Variants in GUCA2A observed in about 807,000 individuals in gnomAD.
GUCA2A encodes guanylin.
In GUCA2A, 17 loss-of-function variants were observed where a neutral mutation model predicts 11.2. That is an observed-to-expected ratio of 1.52 (90% CI 1.04 to 2.28). The LOEUF (loss-of-function observed/expected upper bound fraction) is 2.28. Among genes scored for constraint, GUCA2A ranks in the 30% most tolerant of loss-of-function variants. The pLI is 0.00. For missense variants in GUCA2A, 173 were observed against 139.3 expected (o/e 1.24, Z -1.22); for synonymous variants, 64 against 57.1 (o/e 1.12, Z -0.54).
intron 2 of GUCA2A, among the ~76,000 whole-genome samples, 162 bp downstream of exon 2, chr1:42,163,241 G>C (rs1026150611): frequency 6.6e-6 from 1 of 152,190 alleles, no homozygotes; most frequent in African/African-American, 2.4e-5. Context: ...TGGAATTGAA[G>C]TGGGCATGGA....
rs111699037 is a variant in GUCA2A, at chr1:42,163,505, C to T, written c.181G>A (p.Gly61Ser). 4.6e-4 allele frequency: 749 copies of T among 1,613,680 alleles called. 10 individuals are homozygous for T. In the African/African-American group the frequency reaches 8.7e-3, roughly 19 times the overall value. Reference protein sequence around the residue: ...GKLRNFAPIPGEPVVPILCSN... With the variant: ...GKLRNFAPIPSEPVVPILCSN... ...CAGAGGATGGGAACCACAGGTTCAC[C>T]AGGGATGGGTGCAAAGTTCCTGAGT... The change falls in exon 2 of 3, where the codon GGT becomes AGT. Residue 61 changes from glycine (G) to serine (S), a missense_variant. Coordinates refer to ENST00000357001, the MANE Select transcript of GUCA2A (RefSeq NM_033553.3).
rs951351791 is a variant in GUCA2A at position 42,163,032 on chromosome 1, T to G, written c.284-62A>C. The G allele has an allele frequency of 2.4e-5, 32 of 1,343,262 alleles. No individual in the cohort carries two copies. In the African/African-American group the frequency reaches 4.0e-4, roughly 17 times the overall value. The allele number at this position is 1,343,262 out of a possible 1,614,324, so 83.2% of individuals were successfully genotyped here. Reference sequence around the variant, plus strand: ...TTTCCTCGCGAGGCCCCTGCCGCCCTTGGCCCAGAGCTTGTACGTCACCAC... The same window carrying G: ...TTTCCTCGCGAGGCCCCTGCCGCCCGTGGCCCAGAGCTTGTACGTCACCAC... On this transcript the variant is annotated intron_variant, in intron 2 of 2. Transcript: ENST00000357001.
Position 42,162,909 on chromosome 1 carries a change from G to C in GUCA2A, c.345C>G (p.Cys115Trp). The change falls in exon 3 of 3, where the codon TGC becomes TGG. Residue 115 changes from cysteine to tryptophan, a missense_variant. By Grantham distance (215) the Cys-to-Trp change is radical. Coordinates refer to ENST00000357001, the MANE Select transcript of GUCA2A (RefSeq NM_033553.3). ...EICAYAACTG[C>W] Reference sequence around the variant, plus strand: ...GGCAGGCAGTGGGCAAGCCCCCCTAGCATCCGGTACAGGCAGCGTAGGCAC... The same window carrying C: ...GGCAGGCAGTGGGCAAGCCCCCCTACCATCCGGTACAGGCAGCGTAGGCAC... 6.2e-7 allele frequency: 1 copy of C among 1,612,600 alleles called. No individual in the cohort carries two copies. Among genetic ancestry groups the C allele is most frequent in the Non-Finnish European group, 8.5e-7 (1 of 1,178,726 alleles).
chr1:42,164,723 C>T lies in GUCA2A; in HGVS notation c.-11G>A, dbSNP rs200175352. On this transcript the variant is annotated 5_prime_UTR_variant, in exon 1 of 3. Coordinates refer to ENST00000357001, the MANE Select transcript of GUCA2A (RefSeq NM_033553.3). ...CAGGAAGGCATTCATGGCAGCAGTG[C>T]CCGAGAGAGGGGTGGCTGTTCTGGA... The T allele has an allele frequency of 1.8e-5, 27 of 1,524,284 alleles. 1 individual carries two copies. In the East Asian group the frequency reaches 5.6e-4, roughly 32 times the overall value. The allele number at this position is 1,524,284 out of a possible 1,614,324, so 94.4% of individuals were successfully genotyped here. A position where few individuals can be genotyped will look rare whatever the true frequency, so the allele number is the denominator to read the frequency against.
Position 42,163,597 on chromosome 1 carries a change from G to A in GUCA2A, c.89C>T (p.Ser30Phe). ...CTTCTTCACTGACTCCAGAGAAAAG[G>A]AGAAATTTCCATCCTGGAAGAGAGA... ...GGVTVQDGNF[S>F]FSLESVKKLK... Residue 30 changes from serine (S) to phenylalanine (F), a missense_variant, in exon 2 of 3, where the codon TCC becomes TTC. Ser to Phe is a radical substitution (Grantham distance 155). Transcript: ENST00000357001. 1 of 1,611,330 alleles carries A rather than the reference G, an allele frequency of 6.2e-7. No individual in the cohort carries two copies. Among genetic ancestry groups the A allele is most frequent in the South Asian group, 1.1e-5 (1 of 90,830 alleles).
Position 42,163,563 on chromosome 1 carries a change from G to A in GUCA2A, c.123C>T (p.Asp41=), listed in dbSNP as rs749000752. The change falls in exon 2 of 3, where the codon GAC becomes GAT. Residue 41 remains aspartate (D), a synonymous_variant. Transcript: ENST00000357001. ...FSLESVKKLK[D]LQEPQEPRVG... Reference sequence around the variant, plus strand: ...CCCTGGGCTCCTGGGGCTCCTGGAGGTCTTTGAGCTTCTTCACTGACTCCA... The same window carrying A: ...CCCTGGGCTCCTGGGGCTCCTGGAGATCTTTGAGCTTCTTCACTGACTCCA... 14 of 1,613,512 alleles carry A rather than the reference G, an allele frequency of 8.7e-6. No homozygotes were observed. Among genetic ancestry groups the A allele is most frequent in the Non-Finnish European group, 1.2e-5 (14 of 1,179,598 alleles).
At chr1:42,163,008 T>C in intron 2 of GUCA2A, 38 bp from the exon 3 acceptor site, 1 of 1,553,824 alleles carries the variant, frequency 6.4e-7, no homozygotes, top group Non-Finnish European at 8.9e-7. Context: ...GAACCAGCAT[T>C]TCCTCGCGAG....
chr1:42,164,573 G>A (rs1646144103), intron 1 of GUCA2A, 65 bp downstream of exon 1: 1 of 933,976 alleles, frequency 1.1e-6, no homozygotes, highest in Non-Finnish European at 1.7e-6. Context: ...TACTCTCTCA[G>A]GGGACCAGAC....
At position 42,162,913 on chromosome 1, in the gene GUCA2A, C is replaced by G; in HGVS notation, c.341G>C (p.Gly114Ala). ...CEICAYAACT[G>A]C ...GGCAGTGGGCAAGCCCCCCTAGCATCCGGTACAGGCAGCGTAGGCACAGAT... is the reference window on the plus strand; with the variant it reads ...GGCAGTGGGCAAGCCCCCCTAGCATGCGGTACAGGCAGCGTAGGCACAGAT... Residue 114 changes from glycine (G) to alanine (A), a missense_variant, in exon 3 of 3, where the codon GGA becomes GCA. By Grantham distance (60) the Gly-to-Ala change is moderately conservative (BLOSUM62 0). Transcript: ENST00000357001. 6.2e-7 allele frequency: 1 copy of G among 1,613,310 alleles called. No individual in the cohort carries two copies. The highest frequency in any genetic ancestry group is 8.5e-7 in the Non-Finnish European group (1 of 1,179,332).
At position 42,162,773 on chromosome 1, in the gene GUCA2A, C is replaced by T; in HGVS notation, c.*133G>A. 1 of 712,784 alleles carries T rather than the reference C, an allele frequency of 1.4e-6. No homozygotes were observed. The highest frequency in any genetic ancestry group is 2.5e-5 in the East Asian group (1 of 39,386). The allele number at this position is 712,784 out of a possible 1,614,324, so 44.2% of individuals were successfully genotyped here. The stretch of plus-strand genomic sequence containing the variant: ...GGCGAGGCCTCCAGTCACCCAGTTC[C>T]TCCCCGGGCTGCTCCTCCCGACTGG... On this transcript the variant is annotated 3_prime_UTR_variant, in exon 3 of 3. Coordinates refer to ENST00000357001, the MANE Select transcript of GUCA2A (RefSeq NM_033553.3).
chr1:42,163,047 T>C, intron 2 of GUCA2A, 77 bp from the exon 3 acceptor site: 1 of 1,138,542 alleles, frequency 8.8e-7, no homozygotes. Context: ...CCAGAGCTTG[T>C]ACGTCACCAC....
intron 1 of GUCA2A, among the ~76,000 whole-genome samples, chr1:42,163,950 G>C (rs985187940): frequency 1.7e-4 from 26 of 152,352 alleles, no homozygotes; most frequent in African/African-American, 6.0e-4. Flanking sequence ...CCCAGGCATC[G>C]TAGTTCCACG....
Position 42,164,707 on chromosome 1 carries a change from A to T in GUCA2A, c.6T>A (p.Asn2Lys). Residue 2 changes from asparagine (N) to lysine (K), a missense_variant, in exon 1 of 3, where the codon AAT (asparagine) becomes AAA (lysine). Physicochemically the swap from Asn to Lys is moderately conservative, Grantham distance 94. Coordinates refer to ENST00000357001, the MANE Select transcript of GUCA2A (RefSeq NM_033553.3). ...GGCACAGTGCGGAGAGCAGGAAGGC[A>T]TTCATGGCAGCAGTGCCCGAGAGAG... M[N>K]AFLLSALCLL... 3 of 1,549,330 alleles carry T rather than the reference A, an allele frequency of 1.9e-6. No individual in the cohort carries two copies. The highest frequency in any genetic ancestry group is 2.6e-6 in the Non-Finnish European group (3 of 1,144,390).
At position 42,162,693 on chromosome 1, in the gene GUCA2A, T is replaced by C. The variant is rs968022565; in HGVS notation, c.*213A>G. 7 of 589,062 alleles carry C rather than the reference T, an allele frequency of 1.2e-5. No homozygotes were observed. The highest frequency in any genetic ancestry group is 7.5e-5 in the African/African-American group (4 of 53,552). The allele number at this position is 589,062 out of a possible 1,614,324, so 36.5% of individuals were successfully genotyped here. On this transcript the variant is annotated 3_prime_UTR_variant, in exon 3 of 3. Coordinates refer to ENST00000357001, the MANE Select transcript of GUCA2A (RefSeq NM_033553.3). ...GGAAGGAAGGCAACACCCAGAGTAC[T>C]CTGGAATCTGGTTTATTAGCTGGGG... is the stretch of plus-strand genomic sequence containing the variant.
intron 1 of GUCA2A, among the ~76,000 whole-genome samples, 165 bp from the exon 2 acceptor site, chr1:42,163,775 CCCACGTCCTGGCTTGGCT>C (rs1398689770): frequency 1.3e-5 from 2 of 152,222 alleles, no homozygotes; most frequent in Non-Finnish European, 2.9e-5. Flanking sequence ...GAGTTCAGGC[CCCACGTCCTGGCTTGGCT>C]CCGTGATGCT....
In GUCA2A at chr1:42,163,499, G is replaced by A. The variant is rs1269542192; in HGVS notation, c.187C>T (p.Pro63Ser). ...TTGCTACAGAGGATGGGAACCACAG[G>A]TTCACCAGGGATGGGTGCAAAGTTC... ...LRNFAPIPGE[P>S]VVPILCSNPN... The change falls in exon 2 of 3, where the codon CCT becomes TCT. Residue 63 changes from proline to serine, a missense_variant. Transcript: ENST00000357001. The A allele has an allele frequency of 6.2e-7, 1 of 1,613,668 alleles. No individual in the cohort carries two copies. Among genetic ancestry groups the A allele is most frequent in the Admixed American group, 1.7e-5 (1 of 60,032 alleles).
Position 42,162,744 on chromosome 1 carries a change from T to A in GUCA2A, c.*162A>T. ...GTTGAAGTGGCAGGGAAGGACAGTG[T>A]TGGGGCGAGGCCTCCAGTCACCCAG... On this transcript the variant is annotated 3_prime_UTR_variant, in exon 3 of 3. Transcript: ENST00000357001. 1 of 634,774 alleles carries A rather than the reference T, an allele frequency of 1.6e-6. No individual in the cohort carries two copies. Among genetic ancestry groups the A allele is most frequent in the Non-Finnish European group, 2.8e-6 (1 of 354,094 alleles). 39.3% of individuals were successfully genotyped at this position (634,774 alleles called of 1,614,324 possible). A position where few individuals can be genotyped will look rare whatever the true frequency, so the allele number is the denominator to read the frequency against.
chr1:42,163,752 A>C (rs1396764503), intron 1 of GUCA2A, 142 bp from the exon 2 acceptor site: 9 of 621,598 alleles, frequency 1.4e-5, no homozygotes, highest in Non-Finnish European at 2.0e-5. Flanking sequence ...ACAGTGGGGC[A>C]CTGTGAGGGG....
intron 1 of GUCA2A, 43 bp from the exon 2 acceptor site, chr1:42,163,653 G>C (rs767633538): frequency 7.1e-7 from 1 of 1,400,468 alleles, no homozygotes; most frequent in Non-Finnish European, 1.0e-6. Context: ...GCTGCAGCCT[G>C]CTTCCTGGCT....
Sources: allele counts gnomAD v4.1 joint callset (sites outside exome capture counted in the v4.1 genomes callset), GRCh38; gene constraint gnomAD v4.1.1; transcripts MANE v1.5; gene names NCBI Gene and HGNC (gene_info 2026-07-23, HGNC 2026-07-21).